The following GRIN2C variants were observed in gnomAD, a reference collection of about 807,000 sequenced individuals.
GRIN2C encodes the protein glutamate receptor ionotropic, NMDA 2C.
A neutral mutation model predicts 77.7 loss-of-function variants in GRIN2C; 64 were observed. That is an observed-to-expected ratio of 0.82 (90% CI 0.67 to 1.01). GRIN2C has a LOEUF of 1.01. Ranked by LOEUF, GRIN2C falls within the 50% of genes least tolerant of loss-of-function variation. The probability of loss-of-function intolerance (pLI) is 0.00; values close to 1 mark genes in which losing one functional copy is unlikely to be tolerated. For missense variants in GRIN2C, 1,549 were observed against 1,486.0 expected (o/e 1.04, Z -0.70); for synonymous variants, 792 against 643.4 (o/e 1.23, Z -3.49).
intron 11 of GRIN2C, 22 bp from the exon 12 acceptor site, chr17:74,844,530 A>C (rs1400757020): frequency 6.2e-7 from 1 of 1,606,570 alleles, no homozygotes; most frequent in Admixed American, 1.7e-5. Flanking sequence ...GGGTGTACAC[A>C]TCTGGCTCAG....
rs1247333160 is a variant in GRIN2C at position 74,846,355 on chromosome 17, A to AC, written c.2163-103dup. ...TCTAAACCACATGAGCCTGCTGGGC[A>AC]CCCCCGGGAGGGACCAATGGGCAGA... On this transcript the variant is annotated intron_variant, in intron 10 of 12. Transcript: ENST00000293190. The surrounding 1 kb of genome is among the most constrained non-coding windows in gnomAD (Gnocchi z 4.4). 1 of 1,015,754 alleles carries AC rather than the reference A, an allele frequency of 9.8e-7. No homozygotes were observed. 62.9% of individuals were successfully genotyped at this position (1,015,754 alleles called of 1,614,324 possible).
Position 74,850,257 on chromosome 17 carries a change from G to A in GRIN2C, c.1440C>T (p.Asn480=), listed in dbSNP as rs150199874. ...KFSYDLYLVT[N]GKHGKRVRGV... The stretch of plus-strand genomic sequence containing the variant: ...CGCGCACCCGCTTGCCATGCTTGCC[G>A]TTGGTCACCAGGTACAGGTCGTAGG... Residue 480 remains asparagine, a synonymous_variant, in exon 6 of 13, where the codon AAC becomes AAT. Coordinates refer to ENST00000293190, the MANE Select transcript of GRIN2C (RefSeq NM_000835.6). The surrounding 1 kb of genome is among the most constrained non-coding windows in gnomAD (Gnocchi z 5.3). 2,050 of 1,613,846 alleles carry A rather than the reference G, an allele frequency of 1.3e-3. 28 individuals are homozygous for A. In the South Asian group the frequency reaches 0.017, roughly 13 times the overall value.
chr17:74,843,122 C>T lies in GRIN2C; in HGVS notation c.3015G>A (p.Pro1005=), dbSNP rs2037347386. 2 of 424,256 alleles carry T rather than the reference C, an allele frequency of 4.7e-6. No individual in the cohort carries two copies. The highest frequency in any genetic ancestry group is 8.3e-6 in the Non-Finnish European group (2 of 240,616). 26.3% of individuals were successfully genotyped at this position (424,256 alleles called of 1,614,324 possible). Residue 1005 remains proline (P), a synonymous_variant, in exon 13 of 13, where the codon CCG becomes CCA. Transcript: ENST00000293190. ...GCCTCCCGCAGTGCCCGGTCCGCAC[C>T]GGCCACCGCGCCTCCCAGGCTGGGC... The part of the protein sequence containing the change: ...SRRPAWEARW[P]VRTGHCGRHL...
At chr17:74,851,366 C>T (rs1459891228) in intron 4 of GRIN2C, 19 of 554,098 alleles carry the variant, frequency 3.4e-5, no homozygotes, top group South Asian at 1.6e-4. Context: ...AGAGGGAAGC[C>T]GGGGTGTTAT....
chr17:74,845,998 T>C, intron 11 of GRIN2C, 68 bp downstream of exon 11: 1 of 1,412,296 alleles, frequency 7.1e-7, no homozygotes, highest in South Asian at 1.2e-5. Flanking sequence ...ACTTGAGTGG[T>C]GGTGGAAATG....
In GRIN2C at chr17:74,855,046, C is replaced by T. The variant is rs1000741279; in HGVS notation, c.47G>A (p.Gly16Asp). 6.3e-7 allele frequency: 1 copy of T among 1,598,424 alleles called. No individual in the cohort carries two copies. The highest frequency in any genetic ancestry group is 8.5e-7 in the Non-Finnish European group (1 of 1,178,422). The part of the protein sequence containing the change: ...GPALLLTSLF[G>D]AWAGLGPGQG... ...CCCCGGACCCAGCCCTGCCCAGGCA[C>T]CGAAGAGCGAGGTGAGCAACAGGGC... Residue 16 changes from glycine (G) to aspartate (D), a missense_variant, in exon 2 of 13, where the codon GGT becomes GAT. Transcript: ENST00000293190.
At chr17:74,845,653 C>T (rs1305639205) in intron 11 of GRIN2C, among the ~76,000 whole-genome samples, 5 of 152,178 alleles carry the variant, frequency 3.3e-5, no homozygotes, top group Non-Finnish European at 7.3e-5. Context: ...GGCTGGACCA[C>T]TCACACATGT....
intron 11 of GRIN2C, 96 bp from the exon 12 acceptor site, chr17:74,844,604 G>A: frequency 8.0e-6 from 12 of 1,502,182 alleles, no homozygotes; most frequent in Non-Finnish European, 1.1e-5. Flanking sequence ...GAAGGGATCT[G>A]GGGCAGGGTG....
intron 2 of GRIN2C, 28 bp downstream of exon 2, chr17:74,854,666 A>T (rs1441334588): frequency 1.3e-6 from 2 of 1,587,506 alleles, no homozygotes; most frequent in Admixed American, 1.7e-5. Flanking sequence ...GGCCTGAGGC[A>T]CGAGGGGACA....
rs928312238 is a variant in GRIN2C at position 74,852,306 on chromosome 17, C to A, written c.705G>T (p.Val235=). 4.9e-6 allele frequency: 7 copies of A among 1,441,590 alleles called. No individual in the cohort carries two copies. The highest frequency in any genetic ancestry group is 1.8e-4 in the Middle Eastern group (1 of 5,410). 89.3% of individuals were successfully genotyped at this position (1,441,590 alleles called of 1,614,324 possible). A position where few individuals can be genotyped will look rare whatever the true frequency, so the allele number is the denominator to read the frequency against. The change falls in exon 3 of 13, where the codon GTG becomes GTT. Residue 235 remains valine, a synonymous_variant. Coordinates refer to ENST00000293190, the MANE Select transcript of GRIN2C (RefSeq NM_000835.6). ...CGGCCTGCGCCGCCTCGGCGAAGAG[C>A]ACCTCGGCCTCCTCGCGCGAGCAGT... ...VAYCSREEAE[V]LFAEAAQAGL... is the part of the protein sequence containing the mutation.
In GRIN2C at chr17:74,850,562, G is replaced by A. The variant is rs749227754; in HGVS notation, c.1319C>T (p.Thr440Ile). 6.2e-7 allele frequency: 1 copy of A among 1,613,368 alleles called. No homozygotes were observed. Among genetic ancestry groups the A allele is most frequent in the African/African-American group, 1.3e-5 (1 of 74,904 alleles). The change falls in exon 5 of 13, where the codon ACC becomes ATC. Residue 440 changes from threonine to isoleucine, a missense_variant. Transcript: ENST00000293190. This position sits in a 1 kb window ranked among gnomAD's most constrained non-coding sequence, Gnocchi z 5.3. Reference protein sequence around the residue: ...TVPCRRQSNHTFSSGDVAPYT... With the variant: ...TVPCRRQSNHIFSSGDVAPYT... ...CCCAGGGCCCTCCACAGACCTGAAG[G>A]TGTGGTTGCTCTGCCTGCGGCAGGG...
chr17:74,848,848 C>G (rs1437400290), intron 7 of GRIN2C, among the ~76,000 whole-genome samples: 1 of 152,078 alleles, frequency 6.6e-6, no homozygotes, highest in African/African-American at 2.4e-5. Flanking sequence ...GAAAACCTGT[C>G]TCTACACAAA....
upstream of GRIN2C, chr17:74,861,532 C>T (rs1433944086): frequency 2.0e-5 from 3 of 150,748 alleles, no homozygotes; most frequent in Non-Finnish European, 4.4e-5. Flanking sequence ...CGCTCAGTCT[C>T]AGCTCCGCGG....
chr17:74,851,523 G>T, intron 4 of GRIN2C, 54 bp downstream of exon 4: 1 of 996,956 alleles, frequency 1.0e-6, no homozygotes, highest in Non-Finnish European at 1.6e-6. Context: ...CACAAGAGGA[G>T]GCGGGGACAA....
chr17:74,847,564 G>A lies in GRIN2C; in HGVS notation c.1772-27C>T, dbSNP rs2037501267. 2.0e-6 allele frequency: 3 copies of A among 1,502,918 alleles called. No homozygotes were observed. Among genetic ancestry groups the A allele is most frequent in the Non-Finnish European group, 1.8e-6 (2 of 1,087,052 alleles). 93.1% of individuals were successfully genotyped at this position (1,502,918 alleles called of 1,614,324 possible). A position where few individuals can be genotyped will look rare whatever the true frequency, so the allele number is the denominator to read the frequency against. ...TGGGGGCAAGAGGCGGGGGGATGCTGGAGCTCCTCCTGCCCACCATGAAAG... is the reference window on the plus strand; with the variant it reads ...TGGGGGCAAGAGGCGGGGGGATGCTAGAGCTCCTCCTGCCCACCATGAAAG... On this transcript the variant is annotated intron_variant, in intron 8 of 12. Transcript: ENST00000293190. The surrounding 1 kb of genome is among the most constrained non-coding windows in gnomAD (Gnocchi z 5.2).
Position 74,852,759 on chromosome 17 carries a change from C to G in GRIN2C, c.400-148G>C, listed in dbSNP as rs545043911. The G allele has an allele frequency of 1.3e-5, 6 of 473,824 alleles. No individual in the cohort carries two copies. In the Admixed American group the frequency reaches 2.2e-4, roughly 17 times the overall value. The allele number at this position is 473,824 out of a possible 1,614,324, so 29.4% of individuals were successfully genotyped here. On this transcript the variant is annotated intron_variant, in intron 2 of 12. Coordinates refer to ENST00000293190, the MANE Select transcript of GRIN2C (RefSeq NM_000835.6). ...GGAGCCCTCTGGCCTGCGCCTCCCT[C>G]CCGCCCCAATGTGGTTCCCCGCTGC...
chr17:74,854,382 G>T, intron 2 of GRIN2C: 1 of 315,860 alleles, frequency 3.2e-6, no homozygotes. Context: ...GGCCCTCTGG[G>T]TCTTCACCCT....
chr17:74,847,862 G>A lies in GRIN2C; in HGVS notation c.1761C>T (p.Thr587=), dbSNP rs202213203. The change falls in exon 8 of 13, where the codon ACC becomes ACT. Residue 587 remains threonine, a synonymous_variant. Coordinates refer to ENST00000293190, the MANE Select transcript of GRIN2C (RefSeq NM_000835.6). This position sits in a 1 kb window ranked among gnomAD's most constrained non-coding sequence, Gnocchi z 5.2. ...FSPVSYNQNL[T]RGKKSGGPAF... ...CCAGGCAAGGCTTACTCTTGCCTCTGGTGAGGTTCTGGTTGTAGCTGACAG... is the reference window on the plus strand; with the variant it reads ...CCAGGCAAGGCTTACTCTTGCCTCTAGTGAGGTTCTGGTTGTAGCTGACAG... 12 of 1,614,014 alleles carry A rather than the reference G, an allele frequency of 7.4e-6. No individual in the cohort carries two copies. In the African/African-American group the frequency reaches 1.2e-4, roughly 16 times the overall value.
At chr17:74,854,597 C>T (rs765968878) in intron 2 of GRIN2C, 97 bp downstream of exon 2, 6 of 975,692 alleles carry the variant, frequency 6.1e-6, no homozygotes, top group East Asian at 2.5e-5. Flanking sequence ...CCTCCCTGCC[C>T]ATCCCGTCTA....
Sources: allele counts gnomAD v4.1 joint callset (sites outside exome capture counted in the v4.1 genomes callset), GRCh38; gene constraint gnomAD v4.1.1; non-coding constraint Gnocchi (gnomAD v3.1); transcripts MANE v1.5; gene names NCBI Gene and HGNC (gene_info 2026-07-23, HGNC 2026-07-21).